TXNDC8: variants seen among roughly 807,000 people sequenced by gnomAD.
The protein encoded by TXNDC8 is thioredoxin domain containing 8.
Under a neutral mutation model 12.9 loss-of-function variants are expected in TXNDC8, and 15 were observed. The ratio of observed to expected loss-of-function variants is 1.16; its 90% CI spans 0.78 to 1.79. The LOEUF is 1.79. Ranked by LOEUF, TXNDC8 falls within the 40% of genes most tolerant of loss-of-function variation. The probability of loss-of-function intolerance (pLI) is 0.00; values close to 1 mark genes in which losing one functional copy is unlikely to be tolerated. For synonymous variants in TXNDC8, 40 were observed against 35.4 expected (o/e 1.13, Z -0.46); for missense variants, 128 against 113.2 (o/e 1.13, Z -0.59).
At chr9:110,333,432 A>G (rs1238637570) in intron 2 of TXNDC8, among the ~76,000 whole-genome samples, 1 of 152,182 alleles carries the variant, frequency 6.6e-6, no homozygotes, top group African/African-American at 2.4e-5. Flanking sequence ...GCCCTAGTCC[A>G]TGGAAAAATT....
intron 2 of TXNDC8, among the ~76,000 whole-genome samples, chr9:110,327,526 T>A: frequency 6.6e-6 from 1 of 152,186 alleles, no homozygotes; most frequent in South Asian, 2.1e-4. Flanking sequence ...GTTCGCCACG[T>A]TGGCCAGGCT....
rs1838972286 is a variant in TXNDC8 at position 110,318,588 on chromosome 9, A to G, written c.195+7587T>C. On this transcript the variant is annotated intron_variant, in intron 3 of 4. Transcript: ENST00000423740. ...TGTCTCTACTACAAAAATACAAAAA[A>G]TTAGCCAGGCATCATGGCTGGCACC... is the stretch of plus-strand genomic sequence containing the variant. Among the ~76,000 whole-genome samples, 3 of 152,150 alleles carry G rather than the reference A, an allele frequency of 2.0e-5. No individual in the cohort carries two copies. In the South Asian group the frequency reaches 6.2e-4, roughly 32 times the overall value.
At chr9:110,302,391 C>G (rs1043310337), downstream of TXNDC8, among the ~76,000 whole-genome samples, 1 of 152,172 alleles carries the variant, frequency 6.6e-6, no homozygotes, top group East Asian at 1.9e-4. Context: ...CTGCCTTGAC[C>G]TCCCAAAGTT....
chr9:110,329,391 G>A, intron 2 of TXNDC8, 100 bp from the exon 3 acceptor site: 1 of 881,050 alleles, frequency 1.1e-6, no homozygotes, highest in Non-Finnish European at 1.8e-6. Flanking sequence ...GAACAGAAAG[G>A]CTGTTAAAGA....
At chr9:110,324,295 AG>A (rs750598356) in intron 3 of TXNDC8, among the ~76,000 whole-genome samples, 31 of 152,350 alleles carry the variant, frequency 2.0e-4, no homozygotes, top group Non-Finnish European at 2.2e-4. Context: ...AGGTAAGTTG[AG>A]GGAGCATATG....
intron 3 of TXNDC8, among the ~76,000 whole-genome samples, chr9:110,317,244 C>T (rs941976078): frequency 8.5e-5 from 13 of 152,142 alleles, no homozygotes; most frequent in Admixed American, 8.5e-4. Context: ...CAGGGATAAA[C>T]ATGGTTTGGG....
intron 3 of TXNDC8, among the ~76,000 whole-genome samples, chr9:110,314,647 T>C (rs1158145121): frequency 6.6e-6 from 1 of 152,070 alleles, no homozygotes; most frequent in Non-Finnish European, 1.5e-5. Flanking sequence ...TTAGCCAGGA[T>C]GGTCTCTATC....
chr9:110,329,644 G>A (rs142051518), intron 2 of TXNDC8, among the ~76,000 whole-genome samples: 190 of 152,284 alleles, frequency 1.2e-3, no homozygotes, highest in African/African-American at 4.5e-3. Context: ...AGAGCAGTTG[G>A]GGGAGTCTGT....
chr9:110,333,645 G>T (rs1037058394), intron 2 of TXNDC8, among the ~76,000 whole-genome samples: 1 of 152,096 alleles, frequency 6.6e-6, no homozygotes, highest in African/African-American at 2.4e-5. Flanking sequence ...TTTGATTGTG[G>T]TGATAATATC....
At chr9:110,301,762 C>T (rs115851435), downstream of TXNDC8, among the ~76,000 whole-genome samples, 125 of 152,272 alleles carry the variant, frequency 8.2e-4, no homozygotes, top group African/African-American at 2.9e-3. Flanking sequence ...GGAAATACCC[C>T]GAGTCCCCCA....
chr9:110,335,257 T>G (rs1839699096), intron 1 of TXNDC8, among the ~76,000 whole-genome samples: 1 of 152,150 alleles, frequency 6.6e-6, no homozygotes, highest in African/African-American at 2.4e-5. Context: ...TATTTTTTGG[T>G]GACAGGGTCT....
chr9:110,319,315 A>G (rs767254007), intron 3 of TXNDC8, among the ~76,000 whole-genome samples: 1 of 152,254 alleles, frequency 6.6e-6, no homozygotes, highest in Non-Finnish European at 1.5e-5. Context: ...AGAGCCTTAG[A>G]GGTCTTCATA....
intron 3 of TXNDC8, chr9:110,323,272 G>T (rs1410825756): frequency 1.0e-6 from 1 of 985,374 alleles, no homozygotes; most frequent in East Asian, 1.1e-4. Flanking sequence ...GAACCAAAAA[G>T]ATAGATATCC....
chr9:110,311,525 A>ATG (rs1198930192), intron 3 of TXNDC8, among the ~76,000 whole-genome samples: 1 of 100,856 alleles, frequency 9.9e-6, no homozygotes, highest in Non-Finnish European at 1.7e-5. Flanking sequence ...AAAGAGGTAT[A>ATG]TATATATATA....
intron 2 of TXNDC8, among the ~76,000 whole-genome samples, chr9:110,330,512 C>A (rs1839507677): frequency 6.6e-6 from 1 of 152,172 alleles, no homozygotes; most frequent in African/African-American, 2.4e-5. Context: ...TATATGTAAG[C>A]CTCACAGACT....
At chr9:110,330,327 T>G (rs1839499817) in intron 2 of TXNDC8, among the ~76,000 whole-genome samples, 1 of 152,372 alleles carries the variant, frequency 6.6e-6, no homozygotes, top group African/African-American at 2.4e-5. Flanking sequence ...CAATCTATTC[T>G]TGTGCAACCT....
rs577130176 is a variant in TXNDC8, at chr9:110,308,683, G to A, written c.196-4151C>T. On this transcript the variant is annotated intron_variant, in intron 3 of 4. Coordinates refer to ENST00000423740, the MANE Select transcript of TXNDC8 (RefSeq NM_001286946.2). ...GCTTCCTGTCTTTAAAAAAAAAAAGGTTCTCTCATTTACTTTCCTTCTACC... is the reference window on the plus strand; with the variant it reads ...GCTTCCTGTCTTTAAAAAAAAAAAGATTCTCTCATTTACTTTCCTTCTACC... Among the ~76,000 whole-genome samples, 12 of 152,086 alleles carry A rather than the reference G, an allele frequency of 7.9e-5. No individual in the cohort carries two copies. In the East Asian group the frequency reaches 9.7e-4, roughly 12 times the overall value.
At chr9:110,323,393 T>C in intron 3 of TXNDC8, 1 of 925,934 alleles carries the variant, frequency 1.1e-6, no homozygotes, top group Non-Finnish European at 1.3e-6. Context: ...AGCTCATTAG[T>C]TAATGGTGCT....
chr9:110,309,862 A>AT (rs1337307366), intron 3 of TXNDC8, among the ~76,000 whole-genome samples: 3 of 152,178 alleles, frequency 2.0e-5, no homozygotes, highest in African/African-American at 2.4e-5. Flanking sequence ...AGGAAAAAAA[A>AT]GTGGGAAACC....
Sources: gnomAD v4.1 joint callset for allele counts (sites outside exome capture counted in the v4.1 genomes callset) on GRCh38, gnomAD v4.1.1 for gene constraint, MANE v1.5 for transcripts, NCBI Gene and HGNC (gene_info 2026-07-23, HGNC 2026-07-21) for gene names.